AKT3: variants seen among roughly 807,000 people sequenced by gnomAD.
AKT3 encodes the protein AKT serine/threonine kinase 3, also known as RAC-gamma serine/threonine-protein kinase.
AKT3 carries 15 observed loss-of-function variants against 65.3 expected under a neutral mutation model. That is an observed-to-expected ratio of 0.23 (90% CI 0.15 to 0.35). The LOEUF (loss-of-function observed/expected upper bound fraction) is 0.35. AKT3 is among the 10% of genes least tolerant of loss of function. AKT3 has a pLI of 1.00. For missense variants in AKT3, 243 were observed against 576.5 expected (o/e 0.42, Z 5.92); for synonymous variants, 206 against 183.8 (o/e 1.12, Z -0.98).
intron 11 of AKT3, among the ~76,000 whole-genome samples, chr1:243,549,674 C>T (rs1672910531): frequency 6.6e-6 from 1 of 152,026 alleles, no homozygotes; most frequent in African/African-American, 2.4e-5. Flanking sequence ...ACCTTCTTGC[C>T]TCGGCCTCCC....
chr1:243,676,066 C>T (rs2147957977), intron 3 of AKT3, among the ~76,000 whole-genome samples: 1 of 152,154 alleles, frequency 6.6e-6, no homozygotes, highest in East Asian at 1.9e-4. Context: ...GATGAGTAGT[C>T]AAACAATAAA....
chr1:243,621,922 G>C (rs1678780205), intron 6 of AKT3, among the ~76,000 whole-genome samples: 1 of 152,000 alleles, frequency 6.6e-6, no homozygotes, highest in Non-Finnish European at 1.5e-5. Context: ...TACTACCCTA[G>C]TACAAGCCAC....
intron 2 of AKT3, among the ~76,000 whole-genome samples, chr1:243,736,689 A>T (rs571490375): frequency 1.3e-5 from 2 of 152,302 alleles, no homozygotes; most frequent in South Asian, 4.1e-4. Flanking sequence ...TCGAAGATAA[A>T]GAAATGGAAG....
At chr1:243,747,547 T>C (rs1334656922) in intron 2 of AKT3, among the ~76,000 whole-genome samples, 1 of 152,194 alleles carries the variant, frequency 6.6e-6, no homozygotes, top group Non-Finnish European at 1.5e-5. Context: ...GCCCAGTAAA[T>C]GCAGCATGTT....
chr1:243,536,126 C>T (rs1671909170), intron 12 of AKT3, among the ~76,000 whole-genome samples: 1 of 152,002 alleles, frequency 6.6e-6, no homozygotes, highest in South Asian at 2.1e-4. Flanking sequence ...GGGTATTAGC[C>T]CTTTTTCAGA....
intron 9 of AKT3, among the ~76,000 whole-genome samples, chr1:243,569,709 T>C (rs1052281743): frequency 1.3e-5 from 2 of 152,200 alleles, no homozygotes; most frequent in South Asian, 4.1e-4. Context: ...GTTCTACAAA[T>C]AGGAAATAGC....
chr1:243,749,545 T>C (rs1341676334), intron 2 of AKT3, among the ~76,000 whole-genome samples: 2 of 152,190 alleles, frequency 1.3e-5, no homozygotes, highest in Admixed American at 6.5e-5. Context: ...ATATACATTC[T>C]AGTTTTCAAG....
chr1:243,685,840 T>C (rs1558718553), intron 3 of AKT3, among the ~76,000 whole-genome samples: 1 of 152,146 alleles, frequency 6.6e-6, no homozygotes, highest in Non-Finnish European at 1.5e-5. Context: ...ATGCCATGAT[T>C]GTATATTTAG....
chr1:243,701,536 A>G (rs1376126335), intron 2 of AKT3, among the ~76,000 whole-genome samples: 1 of 152,126 alleles, frequency 6.6e-6, no homozygotes, highest in East Asian at 1.9e-4. Context: ...AAAGAAATCT[A>G]TAAAACCATA....
intron 8 of AKT3, among the ~76,000 whole-genome samples, chr1:243,578,465 T>C (rs1012106223): frequency 6.6e-6 from 1 of 152,060 alleles, no homozygotes; most frequent in African/African-American, 2.4e-5. Context: ...TTCTCACTCA[T>C]AAGTGGGAGC....
intron 2 of AKT3, among the ~76,000 whole-genome samples, chr1:243,785,921 A>C (rs1691234103): frequency 6.6e-6 from 1 of 152,228 alleles, no homozygotes; most frequent in Non-Finnish European, 1.5e-5. Flanking sequence ...ACAGGAAAGA[A>C]GACAAAGTGG....
intron 10 of AKT3, among the ~76,000 whole-genome samples, chr1:243,556,145 C>T (rs938804239): frequency 1.3e-5 from 2 of 151,884 alleles, no homozygotes; most frequent in Admixed American, 6.6e-5. Flanking sequence ...CTTTATGATA[C>T]GATAAAACCT....
rs57252035 is a variant in AKT3 at position 243,532,459 on chromosome 1, C to A, written c.1251+13051G>T. Among the ~76,000 whole-genome samples, 1,508 of 152,230 alleles carry A rather than the reference C, an allele frequency of 9.9e-3. 28 individuals are homozygous for A. Among genetic ancestry groups the A allele is most frequent in the African/African-American group, 0.035 (1,456 of 41,536 alleles). On this transcript the variant is annotated intron_variant, in intron 12 of 13. Transcript: ENST00000673466. ...CATTCTATTAATGTGGGACATTACA[C>A]TGATTAATTTCTATACGTTGAACAT... is the stretch of plus-strand genomic sequence containing the variant.
chr1:243,505,345 G>A lies in AKT3; in HGVS notation c.1355-11C>T, dbSNP rs2148345782. The A allele has an allele frequency of 6.2e-7, 1 of 1,611,212 alleles. No homozygotes were observed. The highest frequency in any genetic ancestry group is 8.5e-7 in the Non-Finnish European group (1 of 1,178,044). On this transcript the variant is annotated splice_polypyrimidine_tract_variant and intron_variant, in intron 13 of 13. Coordinates refer to ENST00000673466, the MANE Select transcript of AKT3 (RefSeq NM_005465.7). ...TACCATCCTCATCATCTGTGGGCAG[G>A]AAACATCTATTTTAATTTTACACAT...
At chr1:243,821,108 A>C (rs1246833360) in intron 2 of AKT3, among the ~76,000 whole-genome samples, 1 of 152,184 alleles carries the variant, frequency 6.6e-6, no homozygotes, top group African/African-American at 2.4e-5. Context: ...CTACAAGCTA[A>C]AAGAGATTGG....
intron 13 of AKT3, among the ~76,000 whole-genome samples, chr1:243,494,165 T>C (rs1667246667): frequency 6.6e-6 from 1 of 152,232 alleles, no homozygotes; most frequent in Non-Finnish European, 1.5e-5. Flanking sequence ...CCAAGATTTT[T>C]TGGAAAGAAT....
intron 8 of AKT3, among the ~76,000 whole-genome samples, chr1:243,580,318 A>T (rs1266202274): frequency 6.6e-6 from 1 of 152,118 alleles, no homozygotes; most frequent in East Asian, 1.9e-4. Flanking sequence ...GATCCAAGCA[A>T]CCTAGGCCAA....
chr1:243,622,819 A>T (rs1453617274), intron 6 of AKT3, among the ~76,000 whole-genome samples: 1 of 152,248 alleles, frequency 6.6e-6, no homozygotes, highest in Non-Finnish European at 1.5e-5. Flanking sequence ...AATATGAAAG[A>T]AGAGAACAAA....
intron 2 of AKT3, among the ~76,000 whole-genome samples, chr1:243,787,184 T>C (rs1367667241): frequency 6.6e-6 from 1 of 152,232 alleles, no homozygotes; most frequent in Non-Finnish European, 1.5e-5. Flanking sequence ...ATTTACATTT[T>C]TCAAATCCAA....
Sources: allele counts gnomAD v4.1 joint callset (sites outside exome capture counted in the v4.1 genomes callset), GRCh38; gene constraint gnomAD v4.1.1; transcripts MANE v1.5; gene names NCBI Gene and HGNC (gene_info 2026-07-23, HGNC 2026-07-21).